PECR: variants seen among roughly 807,000 people sequenced by gnomAD.
The protein encoded by PECR is peroxisomal trans-2-enoyl-CoA reductase, also known as 2,4-dienoyl-CoA reductase-related protein.
PECR carries 30 observed loss-of-function variants against 35.3 expected under a neutral mutation model. The ratio of observed to expected loss-of-function variants is 0.85; its 90% confidence interval spans 0.64 to 1.15. The LOEUF is 1.15. Among genes scored for constraint, PECR ranks in the 50% most tolerant of loss-of-function variants. The pLI, the probability that PECR is intolerant of heterozygous loss-of-function variation, is 0.00. For missense variants in PECR, 392 were observed against 370.8 expected (o/e 1.06, Z -0.47); for synonymous variants, 148 against 138.9 (o/e 1.07, Z -0.46).
At chr2:216,038,018 G>A (rs1574672074), downstream of PECR, among the ~76,000 whole-genome samples, 1 of 128,400 alleles carries the variant, frequency 7.8e-6, no homozygotes, top group East Asian at 2.3e-4. Context: ...CCAGGAGGTG[G>A]AGGTTGTGGT....
intron 7 of PECR, among the ~76,000 whole-genome samples, chr2:216,031,130 G>A (rs997567235): frequency 6.6e-6 from 1 of 151,994 alleles, no homozygotes; most frequent in African/African-American, 2.4e-5. Context: ...GCATAGGCCA[G>A]ACATGGTGGT....
chr2:216,042,400 G>C (rs182969481), intron 7 of PECR, among the ~76,000 whole-genome samples: 77 of 152,334 alleles, frequency 5.1e-4, no homozygotes, highest in Admixed American at 2.6e-3. Flanking sequence ...TGATCAGACT[G>C]TCAGCACCTG....
chr2:216,041,231 A>T (rs1694881251), intron 7 of PECR, among the ~76,000 whole-genome samples: 1 of 152,212 alleles, frequency 6.6e-6, no homozygotes, highest in Admixed American at 6.5e-5. Context: ...AGGCCTAAGG[A>T]AGAAGCTATT....
At chr2:216,061,782 T>A (rs769734984) in intron 3 of PECR, among the ~76,000 whole-genome samples, 26 of 152,128 alleles carry the variant, frequency 1.7e-4, no homozygotes, top group Non-Finnish European at 2.4e-4. Flanking sequence ...GGAAAACAAT[T>A]AGGGAAATTT....
chr2:216,034,554 C>T (rs1326209438), downstream of PECR, among the ~76,000 whole-genome samples: 1 of 152,182 alleles, frequency 6.6e-6, no homozygotes, highest in Admixed American at 6.5e-5. Context: ...CTCTCCTTCA[C>T]AGTTGTCAGA....
At chr2:216,053,082 G>A (rs1299770041) in intron 4 of PECR, among the ~76,000 whole-genome samples, 1 of 152,124 alleles carries the variant, frequency 6.6e-6, no homozygotes, top group Non-Finnish European at 1.5e-5. Flanking sequence ...TCAAACTCCT[G>A]ACCTCAGATG....
intron 1 of PECR, among the ~76,000 whole-genome samples, chr2:216,070,387 G>C (rs1695566029): frequency 6.6e-6 from 1 of 152,166 alleles, no homozygotes; most frequent in Non-Finnish European, 1.5e-5. Flanking sequence ...CTGTGCAATA[G>C]ATCATCAGAA....
chr2:216,050,250 C>G (rs1245962030), intron 5 of PECR, among the ~76,000 whole-genome samples: 1 of 152,040 alleles, frequency 6.6e-6, no homozygotes, highest in East Asian at 1.9e-4. Flanking sequence ...TTGTATCTCA[C>G]AGGATACAGC....
intron 4 of PECR, among the ~76,000 whole-genome samples, chr2:216,055,332 G>T (rs1178323519): frequency 6.6e-6 from 1 of 151,464 alleles, no homozygotes; most frequent in East Asian, 1.9e-4. Flanking sequence ...AGCTACTCAG[G>T]AAGCTGAGGC....
intron 1 of PECR, 138 bp from the exon 2 acceptor site, chr2:216,066,656 T>A: frequency 3.9e-6 from 3 of 768,792 alleles, no homozygotes; most frequent in Admixed American, 4.0e-5. Flanking sequence ...ATAATAATAT[T>A]GAAAAAATAT....
chr2:216,042,943 G>GTATATGTGTATATATATATACACATACA, intron 7 of PECR, among the ~76,000 whole-genome samples: 1 of 135,338 alleles, frequency 7.4e-6, no homozygotes, highest in Non-Finnish European at 1.5e-5. Context: ...ATATACATAC[G>GTATATGTGTATATATATATACACATACA]TATATGTGTA....
chr2:216,038,862 T>A lies in PECR; in HGVS notation c.*413A>T, dbSNP rs1250991224. ...CTGGTCTTGAACTCCTGACCTCAAC[T>A]GACCCGCCTACCTCGGCCTCCCAAA... On this transcript the variant is annotated 3_prime_UTR_variant, in exon 8 of 8. Coordinates refer to ENST00000265322, the MANE Select transcript of PECR (RefSeq NM_018441.6). The A allele has an allele frequency of 4.7e-6, 1 of 211,262 alleles. No homozygotes were observed. Among genetic ancestry groups the A allele is most frequent in the African/African-American group, 2.4e-5 (1 of 42,108 alleles). 13.1% of individuals were successfully genotyped at this position (211,262 alleles called of 1,614,324 possible). A position where few individuals can be genotyped will look rare whatever the true frequency, so the allele number is the denominator to read the frequency against.
intron 5 of PECR, among the ~76,000 whole-genome samples, chr2:216,050,485 C>G (rs1039963472): frequency 6.6e-6 from 1 of 152,114 alleles, no homozygotes; most frequent in Non-Finnish European, 1.5e-5. Context: ...GGAAGGCAAA[C>G]ATGAATTAAT....
intron 1 of PECR, among the ~76,000 whole-genome samples, chr2:216,068,677 T>C (rs1211962763): frequency 6.6e-6 from 1 of 152,100 alleles, no homozygotes; most frequent in East Asian, 1.9e-4. Context: ...TCTTACTCTG[T>C]TGCCTAGGCT....
downstream of PECR, among the ~76,000 whole-genome samples, chr2:216,036,865 G>C (rs1330183956): frequency 6.6e-6 from 1 of 152,154 alleles, no homozygotes; most frequent in Admixed American, 6.6e-5. Flanking sequence ...TGTGGGGGAG[G>C]TATAATGTTC....
chr2:216,053,108 C>T (rs899368637), intron 4 of PECR, among the ~76,000 whole-genome samples: 3 of 152,192 alleles, frequency 2.0e-5, no homozygotes, highest in South Asian at 2.1e-4. Context: ...CCCGCCTCAG[C>T]CTCCCAAAGT....
chr2:216,060,015 C>G (rs1442246634), intron 3 of PECR, among the ~76,000 whole-genome samples: 7 of 152,146 alleles, frequency 4.6e-5, no homozygotes, highest in Admixed American at 4.6e-4. Context: ...ACCTTCTAAC[C>G]CATAAACACT....
chr2:216,052,763 T>C (rs1305447299), intron 4 of PECR, among the ~76,000 whole-genome samples: 1 of 152,214 alleles, frequency 6.6e-6, no homozygotes, highest in Admixed American at 6.5e-5. Context: ...TTGGAAAATT[T>C]TCACCCAGTG....
intron 4 of PECR, among the ~76,000 whole-genome samples, chr2:216,054,371 CTTTTTTTTTTT>C (rs34214360): frequency 9.7e-6 from 1 of 102,782 alleles, no homozygotes; most frequent in African/African-American, 3.5e-5. Flanking sequence ...TTTTTTCTTT[CTTTTTTTTTTT>C]TTTTTTTTGG....
Sources: allele counts gnomAD v4.1 joint callset (sites outside exome capture counted in the v4.1 genomes callset), GRCh38; gene constraint gnomAD v4.1.1; transcripts MANE v1.5; gene names NCBI Gene and HGNC (gene_info 2026-07-23, HGNC 2026-07-21).